The following LDB2 variants were observed in gnomAD, a reference collection of about 807,000 sequenced individuals.
The protein encoded by LDB2 is LIM domain-binding protein 2.
In LDB2, 12 loss-of-function variants were observed where a neutral mutation model predicts 44.3. The ratio of observed to expected loss-of-function variants is 0.27; its 90% CI spans 0.17 to 0.44. The LOEUF (loss-of-function observed/expected upper bound fraction) is 0.44, where lower values mean the gene tolerates loss of function less well. Ranked by LOEUF, LDB2 falls within the 20% of genes least tolerant of loss-of-function variation. LDB2 has a pLI of 1.00. For synonymous variants in LDB2, 164 were observed against 174.8 expected (o/e 0.94, Z 0.49); for missense variants, 344 against 473.5 (o/e 0.73, Z 2.54).
Position 16,775,486 on chromosome 4 carries a change from A to G in LDB2, c.133-16226T>C, listed in dbSNP as rs554827740. On this transcript the variant is annotated intron_variant, in intron 1 of 7. Coordinates refer to ENST00000304523, the MANE Select transcript of LDB2 (RefSeq NM_001290.5). ...AGTGTAGCTACCTCATAGTGCTACT[A>G]TGAGAATTAAATTAACTGATAAATT... Among the ~76,000 whole-genome samples, 7 of 152,304 alleles carry G rather than the reference A, an allele frequency of 4.6e-5. No individual in the cohort carries two copies. The East Asian group carries it at 1.2e-3, about 25-fold the overall frequency.
intron 1 of LDB2, among the ~76,000 whole-genome samples, chr4:16,889,957 T>C (rs1030010165): frequency 6.6e-6 from 1 of 152,234 alleles, no homozygotes; most frequent in Non-Finnish European, 1.5e-5. Flanking sequence ...TCCTTTATTG[T>C]CCTTCTTTTC....
intron 2 of LDB2, among the ~76,000 whole-genome samples, chr4:16,733,966 A>G (rs1045370157): frequency 6.6e-6 from 1 of 152,234 alleles, no homozygotes; most frequent in Non-Finnish European, 1.5e-5. Context: ...TGCAGGAGAC[A>G]ATGCCTATTT....
At chr4:16,683,357 C>G (rs1454069269) in intron 2 of LDB2, among the ~76,000 whole-genome samples, 1 of 152,102 alleles carries the variant, frequency 6.6e-6, no homozygotes, top group East Asian at 1.9e-4. Context: ...AAATGTATAC[C>G]ATGGTGAAAT....
intron 2 of LDB2, among the ~76,000 whole-genome samples, chr4:16,602,234 G>A (rs924157): frequency 0.04 from 6,150 of 152,170 alleles, 376 homozygotes; most frequent in African/African-American, 0.14. Context: ...TTGATAGCTC[G>A]GGAAGGCCAA....
intron 5 of LDB2, among the ~76,000 whole-genome samples, chr4:16,578,788 G>A (rs185852712): frequency 9.5e-4 from 144 of 152,218 alleles, no homozygotes; most frequent in African/African-American, 3.1e-3. Context: ...CAAGATTTTG[G>A]AGCAACTTAA....
At chr4:16,638,815 C>A (rs1010720328) in intron 2 of LDB2, among the ~76,000 whole-genome samples, 2 of 151,794 alleles carry the variant, frequency 1.3e-5, no homozygotes, top group Non-Finnish European at 2.9e-5. Context: ...AACAAGGGCA[C>A]AGATTGATAC....
intron 3 of LDB2, among the ~76,000 whole-genome samples, chr4:16,590,028 G>C (rs553591749): frequency 6.6e-6 from 1 of 152,292 alleles, no homozygotes; most frequent in South Asian, 2.1e-4. Flanking sequence ...AGCAGTAAAT[G>C]ATAGCGCTAC....
At chr4:16,642,690 A>G (rs899941095) in intron 2 of LDB2, among the ~76,000 whole-genome samples, 1 of 152,140 alleles carries the variant, frequency 6.6e-6, no homozygotes, top group African/African-American at 2.4e-5. Flanking sequence ...GGCTCTTGAA[A>G]GGAAGCCCAT....
intron 1 of LDB2, among the ~76,000 whole-genome samples, chr4:16,786,849 C>T (rs1386865935): frequency 6.6e-6 from 1 of 152,104 alleles, no homozygotes; most frequent in Non-Finnish European, 1.5e-5. Flanking sequence ...CTCACCAAAC[C>T]AGGCCCTAAG....
intron 1 of LDB2, among the ~76,000 whole-genome samples, chr4:16,831,309 T>G (rs1284392401): frequency 6.6e-6 from 1 of 150,496 alleles, no homozygotes; most frequent in Non-Finnish European, 1.5e-5. Flanking sequence ...AGAGATAAAG[T>G]AAGAGGAAGA....
rs547515095 is a variant in LDB2 at position 16,806,986 on chromosome 4, G to A, written c.133-47726C>T. On this transcript the variant is annotated intron_variant, in intron 1 of 7. Coordinates refer to ENST00000304523, the MANE Select transcript of LDB2 (RefSeq NM_001290.5). ...TACACATTATTAGTAGTATTTTTGC[G>A]TTTCAAATCTCCTTGATAGAAAAAG... Among the ~76,000 whole-genome samples the A allele has an allele frequency of 2.9e-4, 44 of 152,228 alleles. 2 individuals carry two copies. Among genetic ancestry groups the A allele is most frequent in the South Asian group, 1.0e-3 (5 of 4,816 alleles).
intron 5 of LDB2, among the ~76,000 whole-genome samples, chr4:16,577,775 C>G (rs1339682198): frequency 6.6e-6 from 1 of 151,976 alleles, no homozygotes; most frequent in Admixed American, 6.6e-5. Flanking sequence ...TTATCCTGAA[C>G]AAAAGGAGCA....
intron 5 of LDB2, among the ~76,000 whole-genome samples, chr4:16,522,548 CA>C (rs1560354378): frequency 6.6e-6 from 1 of 152,050 alleles, no homozygotes; most frequent in African/African-American, 2.4e-5. Flanking sequence ...AGGCTATGTG[CA>C]AATACACGAT....
intron 5 of LDB2, among the ~76,000 whole-genome samples, chr4:16,558,519 A>G (rs1740702825): frequency 6.6e-6 from 1 of 152,204 alleles, no homozygotes; most frequent in Non-Finnish European, 1.5e-5. Context: ...AAAAAAGAAT[A>G]AAAAGAAATG....
chr4:16,558,225 G>A (rs1357763525), intron 5 of LDB2, among the ~76,000 whole-genome samples: 1 of 152,204 alleles, frequency 6.6e-6, no homozygotes, highest in Non-Finnish European at 1.5e-5. Flanking sequence ...ACTTTGACGA[G>A]CTGAGAGAAG....
At chr4:16,851,101 A>G (rs1788144453) in intron 1 of LDB2, among the ~76,000 whole-genome samples, 1 of 151,904 alleles carries the variant, frequency 6.6e-6, no homozygotes, top group Non-Finnish European at 1.5e-5. Flanking sequence ...GTGCTAGTGA[A>G]TAGTAAACAG....
chr4:16,809,660 T>C (rs1037774836), intron 1 of LDB2, among the ~76,000 whole-genome samples: 2 of 151,814 alleles, frequency 1.3e-5, no homozygotes, highest in Admixed American at 1.3e-4. Flanking sequence ...GTTTTGTACC[T>C]AAACCATGTT....
At chr4:16,765,056 G>A (rs912351514) in intron 1 of LDB2, among the ~76,000 whole-genome samples, 2 of 152,196 alleles carry the variant, frequency 1.3e-5, no homozygotes, top group African/African-American at 2.4e-5. Context: ...AACCTTTTGG[G>A]ACTTCCAAGT....
chr4:16,869,991 C>A (rs191136832), intron 1 of LDB2, among the ~76,000 whole-genome samples: 1 of 152,098 alleles, frequency 6.6e-6, no homozygotes, highest in East Asian at 1.9e-4. Flanking sequence ...GTTCTTTCAG[C>A]GTGATGGTGA....
Sources: gnomAD v4.1 joint callset for allele counts (sites outside exome capture counted in the v4.1 genomes callset) on GRCh38, gnomAD v4.1.1 for gene constraint, MANE v1.5 for transcripts, NCBI Gene and HGNC (gene_info 2026-07-23, HGNC 2026-07-21) for gene names.